FRMPD1: variants seen among roughly 807,000 people sequenced by gnomAD.
The protein encoded by FRMPD1 is FERM and PDZ domain-containing protein 1.
In FRMPD1, 76 loss-of-function variants were observed where a neutral mutation model predicts 117.8. The ratio of observed to expected loss-of-function variants is 0.65; its 90% confidence interval spans 0.54 to 0.78. FRMPD1 has a LOEUF of 0.78. FRMPD1 is among the 30% of genes least tolerant of loss of function. The pLI is 0.00. For missense variants in FRMPD1, 1,786 were observed against 1,964.5 expected (o/e 0.91, Z 1.72); for synonymous variants, 783 against 770.4 (o/e 1.02, Z -0.27).
chr9:37,699,375 A>C (rs940822778), intron 2 of FRMPD1, among the ~76,000 whole-genome samples: 2 of 147,652 alleles, frequency 1.4e-5, no homozygotes, highest in African/African-American at 5.0e-5. Flanking sequence ...GCTGGAGTAC[A>C]GTGTTGTGAT....
chr9:37,610,843 C>T, the FRMPD1 span, among the ~76,000 whole-genome samples: 2 of 152,260 alleles, frequency 1.3e-5, no homozygotes, highest in East Asian at 3.9e-4. Flanking sequence ...CTCAGGTGAT[C>T]TGCCCGCCTC....
intron 9 of FRMPD1, 120 bp from the exon 10 acceptor site, chr9:37,732,184 G>A: frequency 9.9e-7 from 1 of 1,014,480 alleles, no homozygotes; most frequent in Non-Finnish European, 1.5e-6. Context: ...ACACAGCCAA[G>A]AACTGTCAGA....
At chr9:37,609,219 G>A in the FRMPD1 span, among the ~76,000 whole-genome samples, 1 of 152,018 alleles carries the variant, frequency 6.6e-6, no homozygotes, top group Non-Finnish European at 1.5e-5. Context: ...TTGAACCTGG[G>A]AGGCGGAGTT....
Position 37,672,583 on chromosome 9 carries a change from A to G in FRMPD1, c.-4-20055A>G, listed in dbSNP as rs1821390972. The stretch of plus-strand genomic sequence containing the variant: ...GGCATCTTATAAGTGGGAAAACCAA[A>G]GCACAAAACTGTGAAGTAACCTGCC... On this transcript the variant is annotated intron_variant, in intron 1 of 15. Transcript: ENST00000377765. 4.6e-5 allele frequency among the ~76,000 whole-genome samples: 7 copies of G among 152,342 alleles called. No homozygotes were observed. The South Asian group carries it at 1.4e-3, about 32-fold the overall frequency.
chr9:37,722,144 C>G (rs1188108365), intron 6 of FRMPD1, among the ~76,000 whole-genome samples: 1 of 152,124 alleles, frequency 6.6e-6, no homozygotes, highest in Non-Finnish European at 1.5e-5. Context: ...ATCCCTCATC[C>G]TGATGTAGTG....
intron 5 of FRMPD1, among the ~76,000 whole-genome samples, chr9:37,718,076 C>T (rs1325965872): frequency 6.6e-6 from 1 of 152,168 alleles, no homozygotes; most frequent in Non-Finnish European, 1.5e-5. Context: ...AGTCATGAAT[C>T]CTGTCATGCC....
intron 7 of FRMPD1, among the ~76,000 whole-genome samples, chr9:37,726,554 C>T (rs1412117753): frequency 6.6e-6 from 1 of 151,982 alleles, no homozygotes; most frequent in Non-Finnish European, 1.5e-5. Flanking sequence ...AAAAATTAGC[C>T]AGGCATGGTG....
Position 37,692,675 on chromosome 9 carries a change from C to CT in FRMPD1, c.34_35insT (p.Arg12LeufsTer5). On this transcript the variant is annotated frameshift_variant, in exon 2 of 16. Transcript: ENST00000377765. LOFTEE classifies it high-confidence loss of function. ...GCTGGAGACCAGTTTATTCCAGACACGGAAAGCACATAGAATAGAACAAAT... is the reference window on the plus strand; with the variant it reads ...GCTGGAGACCAGTTTATTCCAGACACTGGAAAGCACATAGAATAGAACAAAT... The CT allele has an allele frequency of 6.2e-7, 1 of 1,613,748 alleles. No homozygotes were observed. The highest frequency in any genetic ancestry group is 8.5e-7 in the Non-Finnish European group (1 of 1,179,676).
chr9:37,737,679 C>T (rs896373948), intron 14 of FRMPD1, among the ~76,000 whole-genome samples: 9 of 152,058 alleles, frequency 5.9e-5, no homozygotes, highest in East Asian at 1.9e-4. Context: ...CAAAATTAGC[C>T]GAGCATGGTG....
At chr9:37,696,395 C>T (rs1317162758) in intron 2 of FRMPD1, among the ~76,000 whole-genome samples, 2 of 152,112 alleles carry the variant, frequency 1.3e-5, no homozygotes, top group East Asian at 3.8e-4. Context: ...AGACCAGGGA[C>T]CCTGACTGTT....
In FRMPD1 at chr9:37,707,573, G is replaced by A. The variant is rs1822759843; in HGVS notation, c.259G>A (p.Gly87Arg). The A allele has an allele frequency of 6.2e-7, 1 of 1,611,752 alleles. No homozygotes were observed. The highest frequency in any genetic ancestry group is 1.3e-5 in the African/African-American group (1 of 74,958). Residue 87 changes from glycine (G) to arginine (R), a missense_variant and splice_region_variant, in exon 3 of 16, where the codon GGA becomes AGA. Gly to Arg is a moderately radical substitution (Grantham distance 125, BLOSUM62 -2). Coordinates refer to ENST00000377765, the MANE Select transcript of FRMPD1 (RefSeq NM_014907.3). ...LPLTVVAVTA[G>R]GSAHGKLFPG... ...CCTTACAGTGGTGGCTGTCACAGCAGGTAGGGGATGACTGGGAAATGAGAA... is the reference window on the plus strand; with the variant it reads ...CCTTACAGTGGTGGCTGTCACAGCAAGTAGGGGATGACTGGGAAATGAGAA...
chr9:37,739,941 A>G, intron 14 of FRMPD1, 137 bp from the exon 15 acceptor site: 2 of 680,006 alleles, frequency 2.9e-6, no homozygotes, highest in Admixed American at 4.7e-5. Context: ...GTTCGTCAGT[A>G]TAGGACGGTC....
At chr9:37,605,163 C>T in the FRMPD1 span, among the ~76,000 whole-genome samples, 1 of 152,224 alleles carries the variant, frequency 6.6e-6, no homozygotes, top group South Asian at 2.1e-4. Context: ...AGTACCCAGC[C>T]TGGGGCTGGG....
At chr9:37,609,111 A>G in the FRMPD1 span, among the ~76,000 whole-genome samples, 14 of 151,938 alleles carry the variant, frequency 9.2e-5, no homozygotes, top group African/African-American at 3.4e-4. Context: ...ACCAACATGG[A>G]GAAACCCCGT....
the FRMPD1 span, among the ~76,000 whole-genome samples, chr9:37,630,165 T>C: frequency 6.6e-6 from 1 of 152,110 alleles, no homozygotes; most frequent in Admixed American, 6.6e-5. Context: ...AACATGTGAA[T>C]TTTGGGGGGA....
At chr9:37,683,544 G>A (rs1821804561) in intron 1 of FRMPD1, among the ~76,000 whole-genome samples, 1 of 152,230 alleles carries the variant, frequency 6.6e-6, no homozygotes, top group African/African-American at 2.4e-5. Context: ...AATTTGATGG[G>A]TGTGCAGGCA....
In FRMPD1 at chr9:37,735,669, C is replaced by T. The variant is rs1262427991; in HGVS notation, c.1336C>T (p.Arg446Cys). Residue 446 changes from arginine (R) to cysteine (C), a missense_variant, in exon 13 of 16, where the codon CGT becomes TGT. Coordinates refer to ENST00000377765, the MANE Select transcript of FRMPD1 (RefSeq NM_014907.3). ...ATTGGCAGAGTTTGCAAACATCAGC[C>T]GTGTAGAGCTAACGGAAGAGTCTGA... ...STLAEFANISRVELTEESEKV... is the reference protein window; with the variant it reads ...STLAEFANISCVELTEESEKV... The T allele has an allele frequency of 7.4e-6, 12 of 1,613,894 alleles. No homozygotes were observed. The East Asian group carries it at 2.0e-4, about 27-fold the overall frequency.
At chr9:37,700,832 T>C (rs913727670) in intron 2 of FRMPD1, among the ~76,000 whole-genome samples, 1 of 152,182 alleles carries the variant, frequency 6.6e-6, no homozygotes, top group African/African-American at 2.4e-5. Context: ...ATCACAGAAA[T>C]GACCTCACAT....
chr9:37,711,888 C>T (rs560281655), intron 5 of FRMPD1, among the ~76,000 whole-genome samples: 182 of 152,216 alleles, frequency 1.2e-3, no homozygotes, highest in African/African-American at 4.0e-3. Flanking sequence ...AGGGAGGAAG[C>T]GGCAATCCTA....
Sources: gnomAD v4.1 joint callset for allele counts (sites outside exome capture counted in the v4.1 genomes callset) on GRCh38, gnomAD v4.1.1 for gene constraint, MANE v1.5 for transcripts, NCBI Gene and HGNC (gene_info 2026-07-23, HGNC 2026-07-21) for gene names.